SFSWAP: variants seen among roughly 807,000 people sequenced by gnomAD.
SFSWAP encodes the protein splicing factor SWAP, also known as splicing factor, suppressor of white-apricot homolog.
SFSWAP carries 17 observed loss-of-function variants against 100.7 expected under a neutral mutation model. The ratio of observed to expected loss-of-function variants is 0.17; its 90% confidence interval spans 0.12 to 0.25. The LOEUF is 0.25. Among genes scored for constraint, SFSWAP ranks in the 10% least tolerant of loss-of-function variants. The pLI, the probability that SFSWAP is intolerant of heterozygous loss-of-function variation, is 1.00. For missense variants in SFSWAP, 1,005 were observed against 1,262.6 expected (o/e 0.80, Z 3.09); for synonymous variants, 504 against 510.1 (o/e 0.99, Z 0.16).
Position 131,727,525 on chromosome 12 carries a change from G to T in SFSWAP, c.945+473G>T, listed in dbSNP as rs547333237. Among the ~76,000 whole-genome samples, 20 of 152,200 alleles carry T rather than the reference G, an allele frequency of 1.3e-4. No homozygotes were observed. The South Asian group carries it at 1.9e-3, about 14-fold the overall frequency. On this transcript the variant is annotated intron_variant, in intron 6 of 17. Transcript: ENST00000261674. The stretch of plus-strand genomic sequence containing the variant: ...GCCAGGCGTGGTGGGTACACCTGTA[G>T]TTCCAGCTACTCGGGAGGCTGAGGC...
rs1371147053 is a variant in SFSWAP, at chr12:131,760,334, C to T, written c.1720+3690C>T. Among the ~76,000 whole-genome samples the T allele has an allele frequency of 3.9e-5, 6 of 152,026 alleles. No individual in the cohort carries two copies. The East Asian group carries it at 9.6e-4, about 24-fold the overall frequency. ...TAGAAAGAGCTTTTATAAATCAATA[C>T]AAAAAGACAGTCACTGACCTAGAGA... On this transcript the variant is annotated intron_variant, in intron 11 of 17. Transcript: ENST00000261674.
chr12:131,729,476 C>T (rs1234268098), intron 7 of SFSWAP, among the ~76,000 whole-genome samples: 2 of 152,148 alleles, frequency 1.3e-5, no homozygotes, highest in Admixed American at 1.3e-4. Context: ...CACACTCTAG[C>T]CTGGGCGATA....
intron 7 of SFSWAP, among the ~76,000 whole-genome samples, chr12:131,739,706 C>T (rs909576382): frequency 2.6e-5 from 4 of 151,668 alleles, no homozygotes; most frequent in Non-Finnish European, 4.4e-5. Flanking sequence ...CCACCATGCC[C>T]GATTAATTTT....
At chr12:131,715,620 C>T (rs554665869) in intron 3 of SFSWAP, among the ~76,000 whole-genome samples, 18 of 152,368 alleles carry the variant, frequency 1.2e-4, no homozygotes, top group African/African-American at 4.1e-4. Flanking sequence ...ACTACCACAG[C>T]GCTGCATCAT....
chr12:131,790,825 C>T (rs1885184571), intron 15 of SFSWAP, among the ~76,000 whole-genome samples: 1 of 152,142 alleles, frequency 6.6e-6, no homozygotes, highest in Non-Finnish European at 1.5e-5. Flanking sequence ...AATGTTAATT[C>T]CAGGTAGACT....
chr12:131,784,277 T>C (rs1198148087), intron 14 of SFSWAP: 1 of 152,218 alleles, frequency 6.6e-6, no homozygotes, highest in African/African-American at 2.4e-5. Context: ...CAGTTTCAAC[T>C]TGAGGAAAAT....
intron 10 of SFSWAP, 103 bp downstream of exon 10, chr12:131,755,582 G>C: frequency 1.3e-6 from 1 of 764,164 alleles, no homozygotes; most frequent in South Asian, 1.7e-5. Context: ...GAAAGGGCTG[G>C]GTGATTCTTC....
chr12:131,741,377 T>C (rs772690249), intron 7 of SFSWAP, among the ~76,000 whole-genome samples: 1 of 152,220 alleles, frequency 6.6e-6, no homozygotes. Flanking sequence ...GGCTCACACC[T>C]GTAGTCCCAG....
At chr12:131,746,512 C>G (rs1414559167) in intron 7 of SFSWAP, among the ~76,000 whole-genome samples, 1 of 152,238 alleles carries the variant, frequency 6.6e-6, no homozygotes, top group African/African-American at 2.4e-5. Flanking sequence ...CATCACTGTT[C>G]TGAGCCTGTA....
chr12:131,790,144 A>C (rs1404551622), intron 15 of SFSWAP, among the ~76,000 whole-genome samples: 1 of 152,192 alleles, frequency 6.6e-6, no homozygotes, highest in Non-Finnish European at 1.5e-5. Context: ...CCGTGGACTC[A>C]GGAGCATTTT....
intron 4 of SFSWAP, chr12:131,723,279 C>G (rs545515406): frequency 7.2e-4 from 109 of 152,292 alleles, no homozygotes; most frequent in African/African-American, 2.6e-3. Context: ...TCTAATGAGC[C>G]TTAACTCTTG....
intron 7 of SFSWAP, among the ~76,000 whole-genome samples, chr12:131,732,770 C>T (rs764432435): frequency 6.6e-6 from 1 of 152,140 alleles, no homozygotes; most frequent in Non-Finnish European, 1.5e-5. Context: ...AAGGCACAAC[C>T]GTCAGAGGCA....
intron 7 of SFSWAP, among the ~76,000 whole-genome samples, chr12:131,752,133 C>A (rs1272337249): frequency 2.6e-5 from 4 of 152,208 alleles, no homozygotes; most frequent in Non-Finnish European, 5.9e-5. Flanking sequence ...AAATTTTTCT[C>A]TGCATAGCAT....
Position 131,711,477 on chromosome 12 carries a change from TC to T in SFSWAP, c.218+33del. Reference sequence around the variant, plus strand: ...GTTCCTCTCCCCACCCGTCGATCCTTCCCTTCCCTCACCCGCTTGATCTCGT... The same window carrying T: ...GTTCCTCTCCCCACCCGTCGATCCTTCCTTCCCTCACCCGCTTGATCTCGT... On this transcript the variant is annotated intron_variant, in intron 1 of 17. Coordinates refer to ENST00000261674, the MANE Select transcript of SFSWAP (RefSeq NM_004592.4). This position sits in a 1 kb window ranked among gnomAD's most constrained non-coding sequence, Gnocchi z 4.9. 1 of 1,549,452 alleles carries T rather than the reference TC, an allele frequency of 6.5e-7. No individual in the cohort carries two copies. Among genetic ancestry groups the T allele is most frequent in the African/African-American group, 1.4e-5 (1 of 73,836 alleles).
intron 3 of SFSWAP, 102 bp from the exon 4 acceptor site, chr12:131,719,352 A>G: frequency 2.5e-6 from 2 of 796,140 alleles, no homozygotes; most frequent in South Asian, 2.9e-5. Context: ...GAAGGTAAAG[A>G]AGCAGGGACA....
At chr12:131,795,667 A>G (rs779333886) in intron 15 of SFSWAP, among the ~76,000 whole-genome samples, 1 of 151,856 alleles carries the variant, frequency 6.6e-6, no homozygotes, top group Non-Finnish European at 1.5e-5. Flanking sequence ...GCCTGTGCAC[A>G]GGCCCTGGAG....
intron 9 of SFSWAP, among the ~76,000 whole-genome samples, chr12:131,754,790 C>T (rs781144206): frequency 5.3e-5 from 8 of 151,720 alleles, no homozygotes; most frequent in South Asian, 2.1e-4. Flanking sequence ...CGCACCACCA[C>T]GCCTGGTTAA....
At chr12:131,740,118 C>A (rs1261992774) in intron 7 of SFSWAP, among the ~76,000 whole-genome samples, 1 of 152,182 alleles carries the variant, frequency 6.6e-6, no homozygotes, top group Non-Finnish European at 1.5e-5. Flanking sequence ...ACTGTCCTTT[C>A]CACTGCAGGG....
At chr12:131,759,750 C>T (rs1350098019) in intron 11 of SFSWAP, among the ~76,000 whole-genome samples, 3 of 150,826 alleles carry the variant, frequency 2.0e-5, no homozygotes, top group Non-Finnish European at 2.9e-5. Context: ...TGCAGTGAAC[C>T]GAGACTGCGC....
Sources: gnomAD v4.1 joint callset for allele counts (sites outside exome capture counted in the v4.1 genomes callset) on GRCh38, gnomAD v4.1.1 for gene constraint, Gnocchi (gnomAD v3.1) non-coding constraint, MANE v1.5 for transcripts, NCBI Gene and HGNC (gene_info 2026-07-23, HGNC 2026-07-21) for gene names.